The following KLF12 variants were observed in gnomAD, a reference collection of about 807,000 sequenced individuals.
KLF12 encodes the protein Krueppel-like factor 12.
KLF12 carries 9 observed loss-of-function variants against 37.8 expected under a neutral mutation model. The ratio of observed to expected loss-of-function variants is 0.24; its 90% CI spans 0.14 to 0.42. The LOEUF is 0.42. KLF12 is among the 10% of genes least tolerant of loss of function. The pLI is 1.00. For missense variants in KLF12, 411 were observed against 516.0 expected (o/e 0.80, Z 1.97); for synonymous variants, 208 against 202.1 (o/e 1.03, Z -0.25).
At chr13:74,008,503 G>A (rs891351628) in intron 1 of KLF12, among the ~76,000 whole-genome samples, 3 of 152,190 alleles carry the variant, frequency 2.0e-5, no homozygotes, top group African/African-American at 4.8e-5. Flanking sequence ...TATGGCTGAC[G>A]ACTAAATATT....
chr13:73,738,124 T>TATATATATATATATATATATATACACAC (rs1305200790), intron 6 of KLF12, among the ~76,000 whole-genome samples: 9 of 81,926 alleles, frequency 1.1e-4, no homozygotes, highest in Non-Finnish European at 1.7e-4. Context: ...TATATATATA[T>TATATATATATATATATATATATACACAC]ACACACACAC....
intron 1 of KLF12, among the ~76,000 whole-genome samples, chr13:74,132,364 A>G (rs1029283975): frequency 3.3e-5 from 5 of 152,200 alleles, no homozygotes; most frequent in African/African-American, 1.2e-4. Context: ...TGATTGGCAG[A>G]TGTCTACCGA....
intron 3 of KLF12, among the ~76,000 whole-genome samples, chr13:73,883,097 TA>T (rs1379036710): frequency 6.6e-6 from 1 of 152,168 alleles, no homozygotes; most frequent in African/African-American, 2.4e-5. Context: ...TTACTATCAT[TA>T]AAATCAATAT....
At chr13:74,151,589 G>T in the KLF12 span, among the ~76,000 whole-genome samples, 1 of 152,100 alleles carries the variant, frequency 6.6e-6, no homozygotes, top group South Asian at 2.1e-4. Flanking sequence ...GGAGGCAGAG[G>T]TTGCAGTGAG....
intron 1 of KLF12, among the ~76,000 whole-genome samples, chr13:74,041,623 G>A (rs1893402859): frequency 6.6e-6 from 1 of 150,592 alleles, no homozygotes; most frequent in Non-Finnish European, 1.5e-5. Flanking sequence ...CAGCATCCAC[G>A]GCTCAGCGTA....
At chr13:74,049,217 T>G (rs1212492979) in intron 1 of KLF12, among the ~76,000 whole-genome samples, 1 of 152,170 alleles carries the variant, frequency 6.6e-6, no homozygotes, top group Non-Finnish European at 1.5e-5. Flanking sequence ...GAGAAAATCA[T>G]ACCAAGAACA....
At chr13:74,190,598 C>T in the KLF12 span, among the ~76,000 whole-genome samples, 1,511 of 152,278 alleles carry the variant, frequency 9.9e-3, 26 homozygotes, top group African/African-American at 0.031. Flanking sequence ...TTCTAATCTG[C>T]TTCCTCAATT....
chr13:74,078,150 T>C (rs775751200), intron 1 of KLF12, among the ~76,000 whole-genome samples: 3 of 152,194 alleles, frequency 2.0e-5, no homozygotes, highest in Non-Finnish European at 4.4e-5. Flanking sequence ...ATGGGAGTTC[T>C]GGAACCTACA....
intron 1 of KLF12, among the ~76,000 whole-genome samples, chr13:74,108,798 T>C (rs896383780): frequency 2.0e-5 from 3 of 152,122 alleles, no homozygotes; most frequent in African/African-American, 7.2e-5. Context: ...CTTCATTGCC[T>C]TCAAACTGAG....
intron 3 of KLF12, among the ~76,000 whole-genome samples, chr13:73,893,424 C>A (rs2139034574): frequency 7.0e-6 from 1 of 143,534 alleles, no homozygotes; most frequent in Non-Finnish European, 1.5e-5. Context: ...CTCTTTCGCC[C>A]AGGCTAGAGT....
chr13:73,851,477 G>A (rs9600176), intron 3 of KLF12, among the ~76,000 whole-genome samples: 1 of 152,150 alleles, frequency 6.6e-6, no homozygotes, highest in East Asian at 1.9e-4. Context: ...CCCACAGGAA[G>A]ATCATGTAAC....
At chr13:74,279,567 G>A in the KLF12 span, among the ~76,000 whole-genome samples, 1 of 151,200 alleles carries the variant, frequency 6.6e-6, no homozygotes, top group African/African-American at 2.4e-5. Flanking sequence ...TATATTAAGG[G>A]CTAAACTTAA....
At chr13:74,096,928 G>A (rs1480270576) in intron 1 of KLF12, among the ~76,000 whole-genome samples, 1 of 152,078 alleles carries the variant, frequency 6.6e-6, no homozygotes, top group Non-Finnish European at 1.5e-5. Flanking sequence ...TTGAAACAAA[G>A]GAGTTAAAAG....
intron 1 of KLF12, among the ~76,000 whole-genome samples, chr13:74,061,813 T>G (rs940027568): frequency 6.6e-6 from 1 of 152,094 alleles, no homozygotes; most frequent in Non-Finnish European, 1.5e-5. Flanking sequence ...AGGTCACACA[T>G]GATTTTTATA....
At chr13:74,128,859 C>G (rs1878098523) in intron 1 of KLF12, among the ~76,000 whole-genome samples, 1 of 151,616 alleles carries the variant, frequency 6.6e-6, no homozygotes. Flanking sequence ...TGGCTTTTTA[C>G]TGTATTTCTC....
At chr13:73,926,587 G>C (rs1438638800) in intron 3 of KLF12, among the ~76,000 whole-genome samples, 1 of 150,852 alleles carries the variant, frequency 6.6e-6, no homozygotes, top group Non-Finnish European at 1.5e-5. Flanking sequence ...AGGTGTGTCT[G>C]TATCTTCAGG....
At chr13:73,698,861 T>C (rs1874337069) in intron 7 of KLF12, among the ~76,000 whole-genome samples, 1 of 152,164 alleles carries the variant, frequency 6.6e-6, no homozygotes, top group Non-Finnish European at 1.5e-5. Context: ...CGTGAATATG[T>C]TAGCTTATTG....
chr13:73,841,157 A>G (rs773685547), intron 4 of KLF12, among the ~76,000 whole-genome samples: 3 of 152,180 alleles, frequency 2.0e-5, no homozygotes, highest in Non-Finnish European at 4.4e-5. Flanking sequence ...TTGGGACACC[A>G]ATTCCTAGAA....
In KLF12 at chr13:73,942,938, C is replaced by A. The variant is rs558176965; in HGVS notation, c.123+1043G>T. The stretch of plus-strand genomic sequence containing the variant: ...AGGTATGCAGAAGTTATTGAAGAGA[C>A]CCTCTAAATACTACCATCTGGATCC... On this transcript the variant is annotated intron_variant, in intron 3 of 7. Transcript: ENST00000377669. 1.2e-3 allele frequency among the ~76,000 whole-genome samples: 178 copies of A among 152,272 alleles called. 1 individual carries two copies. Among genetic ancestry groups the A allele is most frequent in the African/African-American group, 4.0e-3 (165 of 41,546 alleles).
Sources: allele counts gnomAD v4.1 joint callset (sites outside exome capture counted in the v4.1 genomes callset), GRCh38; gene constraint gnomAD v4.1.1; transcripts MANE v1.5; gene names NCBI Gene and HGNC (gene_info 2026-07-23, HGNC 2026-07-21).